The following SLC10A7 variants were observed in gnomAD, a reference collection of about 807,000 sequenced individuals.
SLC10A7 encodes solute carrier family 10 member 7.
Under a neutral mutation model 43.2 loss-of-function variants are expected in SLC10A7, and 29 were observed. The observed-to-expected ratio is 0.67, with a 90% CI of 0.50 to 0.92. The LOEUF is 0.92. Among genes scored for constraint, SLC10A7 ranks in the 40% least tolerant of loss-of-function variants. The pLI, the probability that SLC10A7 is intolerant of heterozygous loss-of-function variation, is 0.00. For synonymous variants in SLC10A7, 152 were observed against 144.8 expected (o/e 1.05, Z -0.35); for missense variants, 295 against 403.2 (o/e 0.73, Z 2.30).
chr4:146,256,836 G>A, intron 11 of SLC10A7: 1 of 1,533,920 alleles, frequency 6.5e-7, no homozygotes, highest in Non-Finnish European at 8.7e-7. Flanking sequence ...CTGGAGGATG[G>A]ACTCTTGGTA....
At chr4:146,384,673 T>TA (rs1737863310) in intron 5 of SLC10A7, among the ~76,000 whole-genome samples, 4 of 152,078 alleles carry the variant, frequency 2.6e-5, no homozygotes, top group Admixed American at 2.6e-4. Flanking sequence ...TATAGAAATA[T>TA]AAAATCAGAA....
At chr4:146,313,157 G>C (rs1424894508) in intron 6 of SLC10A7, among the ~76,000 whole-genome samples, 2 of 152,154 alleles carry the variant, frequency 1.3e-5, no homozygotes, top group African/African-American at 2.4e-5. Flanking sequence ...ACTCTGGATT[G>C]ACCCTACCCG....
At position 146,521,632 on chromosome 4, in the gene SLC10A7, A is replaced by C. The variant is rs775997470; in HGVS notation, c.86T>G (p.Ile29Arg). 7 of 1,614,026 alleles carry C rather than the reference A, an allele frequency of 4.3e-6. No homozygotes were observed. The highest frequency in any genetic ancestry group is 5.9e-6 in the Non-Finnish European group (7 of 1,179,934). The change falls in exon 1 of 12, where the codon ATA becomes AGA. Residue 29 changes from isoleucine to arginine, a missense_variant. This residue lies in a region of SLC10A7 where 53 missense variants were observed against 40.7 expected (regional missense o/e 1.30). Coordinates refer to ENST00000335472, the MANE Select transcript of SLC10A7 (RefSeq NM_001029998.6). ...AIAGAKLEPS[I>R]GVNGGPLKPE... ...GCAGCACTTACCCCCATTCACCCCT[A>C]TGGACGGCTCCAGTTTAGCTCCAGC...
intron 5 of SLC10A7, among the ~76,000 whole-genome samples, chr4:146,340,154 G>A (rs1267521574): frequency 6.6e-6 from 1 of 151,796 alleles, no homozygotes; most frequent in Non-Finnish European, 1.5e-5. Flanking sequence ...AAACATATAT[G>A]TGTGATTGGG....
intron 4 of SLC10A7, among the ~76,000 whole-genome samples, chr4:146,461,077 G>A (rs896216433): frequency 7.2e-5 from 11 of 151,848 alleles, no homozygotes; most frequent in African/African-American, 2.2e-4. Context: ...GTCTTTTCAC[G>A]TCATTATTTT....
At chr4:146,413,024 T>A (rs1728305956) in intron 5 of SLC10A7, among the ~76,000 whole-genome samples, 1 of 152,144 alleles carries the variant, frequency 6.6e-6, no homozygotes, top group Admixed American at 6.6e-5. Context: ...TCAACCAGAT[T>A]GAATTAGAAG....
chr4:146,474,038 A>T (rs999908362), intron 4 of SLC10A7, among the ~76,000 whole-genome samples: 1 of 152,018 alleles, frequency 6.6e-6, no homozygotes, highest in African/African-American at 2.4e-5. Context: ...ACTCCCATAC[A>T]TGCCAGAGAG....
intron 4 of SLC10A7, among the ~76,000 whole-genome samples, chr4:146,494,874 A>G (rs77344097): frequency 2.0e-3 from 298 of 152,312 alleles, no homozygotes; most frequent in African/African-American, 6.8e-3. Flanking sequence ...ACAGGGTTAA[A>G]TGAGAAAATT....
intron 4 of SLC10A7, among the ~76,000 whole-genome samples, chr4:146,445,764 A>T (rs892183591): frequency 3.9e-5 from 6 of 152,036 alleles, no homozygotes; most frequent in Non-Finnish European, 8.8e-5. Flanking sequence ...AACGGGGTGG[A>T]ATGGGACGAA....
chr4:146,330,639 C>T (rs1733468693), intron 5 of SLC10A7, among the ~76,000 whole-genome samples: 1 of 152,078 alleles, frequency 6.6e-6, no homozygotes, highest in Non-Finnish European at 1.5e-5. Flanking sequence ...GAAGTCATCG[C>T]AATTATTATT....
intron 6 of SLC10A7, among the ~76,000 whole-genome samples, chr4:146,325,296 T>C (rs1362420379): frequency 1.3e-5 from 2 of 152,248 alleles, no homozygotes; most frequent in African/African-American, 2.4e-5. Context: ...CAGCATGAGA[T>C]AACATTAATT....
chr4:146,363,456 A>C (rs145537115), intron 5 of SLC10A7, among the ~76,000 whole-genome samples: 132 of 152,284 alleles, frequency 8.7e-4, no homozygotes, highest in African/African-American at 3.1e-3. Flanking sequence ...CACATCATCC[A>C]GACAGAAATC....
intron 6 of SLC10A7, among the ~76,000 whole-genome samples, chr4:146,322,980 G>A (rs913897542): frequency 1.3e-5 from 2 of 152,150 alleles, no homozygotes; most frequent in African/African-American, 4.8e-5. Context: ...CAGTGATGAT[G>A]AGCATTTTTT....
chr4:146,311,880 A>G (rs1011915139), intron 6 of SLC10A7, among the ~76,000 whole-genome samples: 1 of 152,092 alleles, frequency 6.6e-6, no homozygotes, highest in Non-Finnish European at 1.5e-5. Flanking sequence ...CCAGGCCCCA[A>G]TCCCCTCCCT....
chr4:146,344,765 A>T (rs1734500697), intron 5 of SLC10A7, among the ~76,000 whole-genome samples: 1 of 152,134 alleles, frequency 6.6e-6, no homozygotes. Flanking sequence ...CAAAATGCAA[A>T]ACAATAGTAC....
chr4:146,260,408 A>G (rs1175588808), intron 10 of SLC10A7, among the ~76,000 whole-genome samples: 1 of 152,184 alleles, frequency 6.6e-6, no homozygotes, highest in Non-Finnish European at 1.5e-5. Context: ...AAGTGATAGA[A>G]GTATCATGAT....
chr4:146,292,906 A>G, intron 9 of SLC10A7, 23 bp downstream of exon 9: 2 of 1,537,376 alleles, frequency 1.3e-6, no homozygotes, highest in East Asian at 2.3e-5. Flanking sequence ...AAAACTAATA[A>G]CAAGAGATAC....
intron 5 of SLC10A7, among the ~76,000 whole-genome samples, chr4:146,342,760 T>G (rs1734355572): frequency 6.6e-6 from 1 of 151,796 alleles, no homozygotes; most frequent in African/African-American, 2.4e-5. Context: ...TATAAAAATA[T>G]TATGCAAAAT....
rs1422034153 is a variant in SLC10A7 at position 146,415,878 on chromosome 4, A to G, written c.435+26905T>C. Among the ~76,000 whole-genome samples the G allele has an allele frequency of 2.0e-5, 3 of 152,150 alleles. No homozygotes were observed. The East Asian group carries it at 5.8e-4, about 29-fold the overall frequency. ...CCAGCTTGAAATATCATAGATTGCGAATTAGTTAGGTACACAGCCACAAAG... is the reference window on the plus strand; with the variant it reads ...CCAGCTTGAAATATCATAGATTGCGGATTAGTTAGGTACACAGCCACAAAG... On this transcript the variant is annotated intron_variant, in intron 5 of 11. Coordinates refer to ENST00000335472, the MANE Select transcript of SLC10A7 (RefSeq NM_001029998.6).
Sources: gnomAD v4.1 joint callset for allele counts (sites outside exome capture counted in the v4.1 genomes callset) on GRCh38, gnomAD v4.1.1 for gene constraint, gnomAD v4.1.1 regional missense constraint, MANE v1.5 for transcripts, NCBI Gene and HGNC (gene_info 2026-07-23, HGNC 2026-07-21) for gene names.